The following CT45A1 variants were observed in gnomAD, a reference collection of about 807,000 sequenced individuals.
CT45A1 encodes the protein cancer/testis antigen 45-1.
chrX:135,709,101 C>T (rs782470722), upstream of CT45A1, among the ~76,000 whole-genome samples: 12 of 112,109 alleles, frequency 1.1e-4, no homozygotes, highest in South Asian at 4.5e-3. Context: ...TATCAGGTTG[C>T]CAGGGATGTC....
intron 1 of CT45A1, among the ~76,000 whole-genome samples, chrX:135,715,491 T>C (rs1556571199): frequency 1.2e-5 from 1 of 80,213 alleles, no homozygotes; most frequent in Non-Finnish European, 2.2e-5. Context: ...ATAATACTTA[T>C]ATGTATATAA....
At chrX:135,713,741 T>G (rs1556570319) in intron 1 of CT45A1, 51 bp downstream of exon 1, 2 of 705,561 alleles carry the variant, frequency 2.8e-6, no homozygotes, top group African/African-American at 4.7e-5. Context: ...GATGCTTTAA[T>G]TTCACCCCAG....
upstream of CT45A1, chrX:135,710,459 T>G (rs1311715267): frequency 8.9e-6 from 1 of 112,381 alleles, no homozygotes; most frequent in Non-Finnish European, 1.9e-5. Context: ...AGCACTTCTC[T>G]TTTTACAATA....
At chrX:135,712,825 C>T (rs376410115), upstream of CT45A1, among the ~76,000 whole-genome samples, 104 of 111,323 alleles carry the variant, frequency 9.3e-4, 2 homozygotes, top group South Asian at 0.034. Flanking sequence ...CCACAGCGCC[C>T]GTTGGGGTTG....
chrX:135,714,249 G>A (rs1174826618), intron 1 of CT45A1, among the ~76,000 whole-genome samples: 8 of 109,220 alleles, frequency 7.3e-5, no homozygotes, highest in Admixed American at 3.9e-4. Context: ...CTTGGATGTC[G>A]CTCACTCTCA....
At chrX:135,716,008 AC>A (rs1430985418) in intron 1 of CT45A1, among the ~76,000 whole-genome samples, 1 of 110,471 alleles carries the variant, frequency 9.1e-6, no homozygotes, top group Non-Finnish European at 1.9e-5. Flanking sequence ...AACGACATGA[AC>A]TCATTCTTTT....
chrX:135,717,252 T>TTAATAATGTCTTC (rs1249415127), intron 1 of CT45A1, among the ~76,000 whole-genome samples: 1 of 111,825 alleles, frequency 8.9e-6, no homozygotes, highest in African/African-American at 3.3e-5. Context: ...ATAATGTCTT[T>TTAATAATGTCTTC]TAATAATGTC....
At chrX:135,712,100 G>A (rs1245994515), upstream of CT45A1, among the ~76,000 whole-genome samples, 2 of 103,846 alleles carry the variant, frequency 1.9e-5, no homozygotes, top group African/African-American at 7.0e-5. Context: ...AAAAAAGGTG[G>A]AAAAATATAC....
At chrX:135,717,626 G>A (rs1339638670) in intron 1 of CT45A1, among the ~76,000 whole-genome samples, 7 of 111,864 alleles carry the variant, frequency 6.3e-5, no homozygotes, top group Admixed American at 1.9e-4. Flanking sequence ...TTCTCTGAGT[G>A]ATGTTTTATA....
upstream of CT45A1, among the ~76,000 whole-genome samples, chrX:135,709,239 C>T (rs2087922178): frequency 8.9e-6 from 1 of 111,919 alleles, no homozygotes; most frequent in Non-Finnish European, 1.9e-5. Context: ...AGTTCTCTTG[C>T]CTCAGCCTCC....
At chrX:135,713,045 CT>C (rs1238585498), upstream of CT45A1, among the ~76,000 whole-genome samples, 65 of 63,443 alleles carry the variant, frequency 1.0e-3, no homozygotes, top group African/African-American at 2.4e-3. Flanking sequence ...TTCTTCTTTC[CT>C]TTTTTTTTTT....
At chrX:135,718,381 T>G (rs1556572469) in intron 1 of CT45A1, among the ~76,000 whole-genome samples, 1 of 111,157 alleles carries the variant, frequency 9.0e-6, no homozygotes, top group African/African-American at 3.3e-5. Context: ...AGTTTTTCAT[T>G]CTTCTAAATT....
At chrX:135,710,606 C>T (rs2087928890), upstream of CT45A1, among the ~76,000 whole-genome samples, 1 of 112,095 alleles carries the variant, frequency 8.9e-6, no homozygotes, top group Non-Finnish European at 1.9e-5. Context: ...CCAGGTTTGC[C>T]ATGGTGAGTG....
chrX:135,711,031 A>C (rs2087930944), upstream of CT45A1, among the ~76,000 whole-genome samples: 1 of 111,832 alleles, frequency 8.9e-6, no homozygotes, highest in Non-Finnish European at 1.9e-5. Context: ...ATTTCCCTTC[A>C]TCACTGTCCT....
At chrX:135,714,315 C>T (rs1281493580) in intron 1 of CT45A1, among the ~76,000 whole-genome samples, 7 of 109,143 alleles carry the variant, frequency 6.4e-5, no homozygotes, top group East Asian at 2.9e-4. Context: ...GGACGCTTAC[C>T]GGATGCTTTG....
upstream of CT45A1, among the ~76,000 whole-genome samples, chrX:135,712,188 T>TTTC (rs2087938211): frequency 1.2e-5 from 1 of 83,705 alleles, no homozygotes; most frequent in Non-Finnish European, 2.3e-5. Context: ...TCTTTTTTTT[T>TTTC]TTTTTTTTTT....
At position 135,716,230 on chromosome X, in the gene CT45A1, G is replaced by T. The variant is rs2087988117; in HGVS notation, c.-7+2540G>T. Among the ~76,000 whole-genome samples, 3 of 111,298 alleles carry T rather than the reference G, an allele frequency of 2.7e-5. No individual in the cohort carries two copies. The Admixed American group carries it at 2.9e-4, about 11-fold the overall frequency. On this transcript the variant is annotated intron_variant, in intron 1 of 4. Transcript: ENST00000594565. ...ATTGCTGAGTCAGATGGTATTTCTGGTTCTAGATCCTTGAGGAATCGCCAC... is the reference window on the plus strand; with the variant it reads ...ATTGCTGAGTCAGATGGTATTTCTGTTTCTAGATCCTTGAGGAATCGCCAC...
At chrX:135,717,173 G>C (rs1361267106) in intron 1 of CT45A1, among the ~76,000 whole-genome samples, 1 of 111,789 alleles carries the variant, frequency 8.9e-6, no homozygotes, top group Non-Finnish European at 1.9e-5. Flanking sequence ...AAAAACTTTT[G>C]TTAACATGGT....
intron 1 of CT45A1, among the ~76,000 whole-genome samples, chrX:135,718,064 A>G (rs2088003199): frequency 8.9e-6 from 1 of 112,085 alleles, no homozygotes; most frequent in South Asian, 3.7e-4. Context: ...GCTAACCAGA[A>G]TAGGAAACTT....
Sources: gnomAD v4.1 joint callset for allele counts (sites outside exome capture counted in the v4.1 genomes callset) on GRCh38, gnomAD v4.1.1 for gene constraint, MANE v1.5 for transcripts, NCBI Gene and HGNC (gene_info 2026-07-23, HGNC 2026-07-21) for gene names.